Variants in MCTP2 observed in about 807,000 individuals in gnomAD.
MCTP2 encodes multiple C2 and transmembrane domain containing 2.
A neutral mutation model predicts 111.6 loss-of-function variants in MCTP2; 132 were observed. The ratio of observed to expected loss-of-function variants is 1.18; its 90% CI spans 1.03 to 1.37. MCTP2 has a LOEUF of 1.37. MCTP2 is among the 40% of genes most tolerant of loss of function. The pLI is 0.00. For synonymous variants in MCTP2, 395 were observed against 387.7 expected, an observed-to-expected ratio of 1.02 and a Z score of -0.22; for missense variants, 1,183 against 1,067.9, an observed-to-expected ratio of 1.11 and a Z score of -1.50.
chr15:94,238,351 C>T (rs965040297), intron 1 of MCTP2, among the ~76,000 whole-genome samples: 9 of 151,920 alleles, frequency 5.9e-5, no homozygotes, highest in Non-Finnish European at 1.2e-4. Flanking sequence ...TAATGTATAT[C>T]GTATGAATCA....
intron 17 of MCTP2, among the ~76,000 whole-genome samples, chr15:94,439,712 C>T (rs989715029): frequency 5.9e-5 from 9 of 152,088 alleles, no homozygotes; most frequent in Admixed American, 3.3e-4. Flanking sequence ...CATATAGTCT[C>T]GAAATTGGTA....
intron 4 of MCTP2, among the ~76,000 whole-genome samples, chr15:94,336,942 G>A (rs11634520): frequency 0.14 from 21,590 of 151,752 alleles, 1,797 homozygotes; most frequent in Non-Finnish European, 0.15. Context: ...CATTCTCCTC[G>A]CCGAGTACCA....
intron 10 of MCTP2, among the ~76,000 whole-genome samples, chr15:94,364,647 A>G (rs1482345827): frequency 6.6e-6 from 1 of 152,180 alleles, no homozygotes; most frequent in East Asian, 1.9e-4. Flanking sequence ...TGGTCATTTG[A>G]TATTTCTCTT....
chr15:94,255,556 C>A (rs945747568), intron 1 of MCTP2, among the ~76,000 whole-genome samples: 1 of 152,144 alleles, frequency 6.6e-6, no homozygotes, highest in Non-Finnish European at 1.5e-5. Context: ...ATCCTATTTA[C>A]ATAAAGACCT....
intron 12 of MCTP2, among the ~76,000 whole-genome samples, chr15:94,383,457 C>T (rs966546324): frequency 6.6e-6 from 1 of 152,176 alleles, no homozygotes; most frequent in Non-Finnish European, 1.5e-5. Context: ...GTGTTAGTCT[C>T]TTTTCACGTT....
chr15:94,308,354 T>G (rs908075369), intron 2 of MCTP2, among the ~76,000 whole-genome samples: 2 of 152,194 alleles, frequency 1.3e-5, no homozygotes, highest in Non-Finnish European at 2.9e-5. Context: ...TGTGCTGTTT[T>G]GGGATTCTCC....
chr15:94,310,476 A>C (rs563389128), intron 2 of MCTP2, among the ~76,000 whole-genome samples: 1 of 152,226 alleles, frequency 6.6e-6, no homozygotes, highest in African/African-American at 2.4e-5. Flanking sequence ...ACAGTGTGTT[A>C]ATTTTTTTAA....
chr15:94,345,192 C>A, intron 8 of MCTP2, 28 bp downstream of exon 8: 1 of 1,601,462 alleles, frequency 6.2e-7, no homozygotes, highest in Non-Finnish European at 8.5e-7. Flanking sequence ...TCCTTTAGAT[C>A]ATTTGGTTAA....
intron 21 of MCTP2, among the ~76,000 whole-genome samples, chr15:94,474,581 G>T (rs1215834680): frequency 6.6e-6 from 1 of 152,152 alleles, no homozygotes; most frequent in Non-Finnish European, 1.5e-5. Context: ...CAAGGTGGCT[G>T]GGTGTGGTGG....
At chr15:94,419,243 C>G (rs2082513122) in intron 17 of MCTP2, among the ~76,000 whole-genome samples, 1 of 152,110 alleles carries the variant, frequency 6.6e-6, no homozygotes, top group African/African-American at 2.4e-5. Context: ...TGATATTCCC[C>G]TAATTAACTG....
intron 11 of MCTP2, among the ~76,000 whole-genome samples, chr15:94,369,756 G>A (rs973140652): frequency 2.0e-5 from 3 of 152,078 alleles, no homozygotes; most frequent in African/African-American, 7.2e-5. Flanking sequence ...AGAAAGAAGG[G>A]GGAAAAAGAG....
In MCTP2 at chr15:94,298,635, T is replaced by G. The variant is rs1377153001; in HGVS notation, c.370T>G (p.Tyr124Asp). The G allele has an allele frequency of 2.5e-6, 4 of 1,614,090 alleles. No individual in the cohort carries two copies. Among genetic ancestry groups the G allele is most frequent in the Middle Eastern group, 1.7e-4 (1 of 6,060 alleles). The stretch of plus-strand genomic sequence containing the variant: ...GGTGGAAACAGACTCAGAGGAGGCC[T>G]ATGCCTCTCCTGCTGAGCGGAGACG... ...HVVETDSEEA[Y>D]ASPAERRRVS... The change falls in exon 2 of 23, where the codon TAT (tyrosine) becomes GAT (aspartate). Residue 124 changes from tyrosine to aspartate, a missense_variant. Physicochemically the swap from Tyr to Asp is radical, Grantham distance 160. Transcript: ENST00000357742.
At chr15:94,367,429 T>G (rs149162380) in intron 10 of MCTP2, among the ~76,000 whole-genome samples, 176 bp from the exon 11 acceptor site, 1 of 152,160 alleles carries the variant, frequency 6.6e-6, no homozygotes, top group South Asian at 2.1e-4. Context: ...AATTTTAGAG[T>G]GTGTTAGGCT....
intron 1 of MCTP2, among the ~76,000 whole-genome samples, chr15:94,293,469 TAGG>T (rs2075120006): frequency 6.6e-6 from 1 of 152,138 alleles, no homozygotes; most frequent in Non-Finnish European, 1.5e-5. Flanking sequence ...CACACGTTAT[TAGG>T]AAAATGAAAA....
chr15:94,341,158 G>T, intron 7 of MCTP2: 1 of 447,858 alleles, frequency 2.2e-6, no homozygotes. Flanking sequence ...AAGATGATCA[G>T]GCATACATTT....
intron 2 of MCTP2, among the ~76,000 whole-genome samples, chr15:94,306,908 G>A (rs1451845089): frequency 2.6e-5 from 4 of 152,156 alleles, no homozygotes; most frequent in African/African-American, 4.8e-5. Context: ...GAGAGGAAAC[G>A]ACCTCCAGGT....
At chr15:94,430,261 ACCAG>A (rs2083099928) in intron 17 of MCTP2, among the ~76,000 whole-genome samples, 1 of 152,124 alleles carries the variant, frequency 6.6e-6, no homozygotes, top group South Asian at 2.1e-4. Flanking sequence ...ACAGCCATCA[ACCAG>A]GCCCCTTGTG....
intron 20 of MCTP2, among the ~76,000 whole-genome samples, chr15:94,467,261 A>G (rs947403550): frequency 1.3e-5 from 2 of 152,180 alleles, no homozygotes; most frequent in East Asian, 3.8e-4. Context: ...GTAATCTTCC[A>G]GGGTGAAAAA....
At chr15:94,310,228 A>G (rs2076063751) in intron 2 of MCTP2, among the ~76,000 whole-genome samples, 1 of 152,218 alleles carries the variant, frequency 6.6e-6, no homozygotes, top group Non-Finnish European at 1.5e-5. Flanking sequence ...TAAATACTGT[A>G]TGATTCCAAT....
Sources: gnomAD v4.1 joint callset for allele counts (sites outside exome capture counted in the v4.1 genomes callset) on GRCh38, gnomAD v4.1.1 for gene constraint, MANE v1.5 for transcripts, NCBI Gene and HGNC (gene_info 2026-07-23, HGNC 2026-07-21) for gene names.